PAG1: variants seen among roughly 807,000 people sequenced by gnomAD.
PAG1 encodes phosphoprotein associated with glycosphingolipid-enriched microdomains 1.
A neutral mutation model predicts 31.7 loss-of-function variants in PAG1; 23 were observed. That is an observed-to-expected ratio of 0.73 (90% CI 0.52 to 1.03). PAG1 has a LOEUF of 1.03. Ranked by LOEUF, PAG1 falls within the 50% of genes least tolerant of loss-of-function variation. The pLI, the probability that PAG1 is intolerant of heterozygous loss-of-function variation, is 0.00. For missense variants in PAG1, 473 were observed against 540.7 expected (o/e 0.87, Z 1.24); for synonymous variants, 214 against 210.3 (o/e 1.02, Z -0.15).
intron 2 of PAG1, among the ~76,000 whole-genome samples, chr8:81,064,992 A>G (rs575265303): frequency 6.6e-6 from 1 of 152,308 alleles, no homozygotes; most frequent in African/African-American, 2.4e-5. Flanking sequence ...AACAGCAGAG[A>G]TCCGAAGAGA....
chr8:80,988,715 G>A (rs1807476452), intron 5 of PAG1, among the ~76,000 whole-genome samples: 1 of 152,158 alleles, frequency 6.6e-6, no homozygotes, highest in Admixed American at 6.5e-5. Context: ...GCCTCCCAAA[G>A]TGCTGGGATT....
intron 1 of PAG1, among the ~76,000 whole-genome samples, chr8:81,101,668 C>T (rs961158126): frequency 6.6e-6 from 1 of 152,082 alleles, no homozygotes; most frequent in African/African-American, 2.4e-5. Context: ...AGGCTTTGGA[C>T]TCTTTAGTAT....
chr8:80,977,884 T>C (rs1233157891), intron 8 of PAG1, among the ~76,000 whole-genome samples: 1 of 152,232 alleles, frequency 6.6e-6, no homozygotes, highest in African/African-American at 2.4e-5. Context: ...AAAATACCCT[T>C]CATTACCTGT....
chr8:81,075,077 T>C (rs183833616), intron 1 of PAG1, among the ~76,000 whole-genome samples: 1 of 152,338 alleles, frequency 6.6e-6, no homozygotes, highest in Non-Finnish European at 1.5e-5. Flanking sequence ...ACCAGGTACC[T>C]ATCTCCACTC....
chr8:81,012,692 G>C (rs926085962), intron 3 of PAG1, among the ~76,000 whole-genome samples: 2 of 152,136 alleles, frequency 1.3e-5, no homozygotes, highest in Non-Finnish European at 2.9e-5. Context: ...GAAATAATCA[G>C]ATACCAGCTG....
At chr8:81,003,661 C>T (rs1192885189) in intron 3 of PAG1, among the ~76,000 whole-genome samples, 2 of 152,088 alleles carry the variant, frequency 1.3e-5, no homozygotes, top group Non-Finnish European at 2.9e-5. Flanking sequence ...GTTTCCCCTT[C>T]TGAAAAATGT....
chr8:81,043,289 A>T (rs958818536), intron 2 of PAG1, among the ~76,000 whole-genome samples: 6 of 152,220 alleles, frequency 3.9e-5, no homozygotes, highest in African/African-American at 1.4e-4. Context: ...CAGAACACAC[A>T]GGATATAGAG....
intron 3 of PAG1, 63 bp from the exon 4 acceptor site, chr8:80,993,370 G>C: frequency 2.4e-6 from 2 of 832,630 alleles, no homozygotes; most frequent in Non-Finnish European, 3.6e-6. Context: ...TCTGTAATTC[G>C]GTCCCTGTCA....
At chr8:81,102,477 G>C (rs1235154735) in intron 1 of PAG1, among the ~76,000 whole-genome samples, 1 of 152,032 alleles carries the variant, frequency 6.6e-6, no homozygotes, top group Non-Finnish European at 1.5e-5. Context: ...TTGAGATTTA[G>C]GGATAAGCAT....
intron 1 of PAG1, among the ~76,000 whole-genome samples, chr8:81,080,225 C>A (rs548557071): frequency 6.6e-6 from 1 of 152,150 alleles, no homozygotes; most frequent in African/African-American, 2.4e-5. Context: ...TATTCTAGTT[C>A]ATGTATGCCT....
intron 8 of PAG1, 69 bp from the exon 9 acceptor site, chr8:80,976,975 G>A: frequency 7.0e-7 from 1 of 1,434,172 alleles, no homozygotes; most frequent in Non-Finnish European, 9.5e-7. Context: ...TTAGTGACAA[G>A]CTACATACTG....
intron 2 of PAG1, among the ~76,000 whole-genome samples, chr8:81,057,641 A>T (rs1036651108): frequency 6.6e-6 from 1 of 152,164 alleles, no homozygotes; most frequent in South Asian, 2.1e-4. Flanking sequence ...GGTGCAGCAC[A>T]CCAACATGGC....
At chr8:81,023,543 T>C (rs1375099595) in intron 3 of PAG1, among the ~76,000 whole-genome samples, 2 of 151,898 alleles carry the variant, frequency 1.3e-5, no homozygotes, top group African/African-American at 2.4e-5. Flanking sequence ...TATATATATA[T>C]ATATTTGTGT....
At chr8:81,085,181 C>T (rs183722061) in intron 1 of PAG1, among the ~76,000 whole-genome samples, 197 of 152,256 alleles carry the variant, frequency 1.3e-3, no homozygotes, top group Non-Finnish European at 1.2e-3. Context: ...GCGATTCCTC[C>T]GGCTAGACTC....
chr8:81,070,654 G>T (rs1356492588), intron 1 of PAG1, among the ~76,000 whole-genome samples: 1 of 126,306 alleles, frequency 7.9e-6, no homozygotes. Context: ...AGTCTTTTCA[G>T]CACAAAAAAA....
At chr8:80,981,862 CTTTTTTTTTT>C (rs57438015) in intron 7 of PAG1, among the ~76,000 whole-genome samples, 2 of 103,426 alleles carry the variant, frequency 1.9e-5, no homozygotes, top group Non-Finnish European at 3.5e-5. Flanking sequence ...ATCTCACTTC[CTTTTTTTTTT>C]TTTTTTTTTT....
Position 80,972,545 on chromosome 8 carries a change from C to T in PAG1, c.*3999G>A, listed in dbSNP as rs1274198650. On this transcript the variant is annotated 3_prime_UTR_variant, in exon 9 of 9. Coordinates refer to ENST00000220597, the MANE Select transcript of PAG1 (RefSeq NM_018440.4). Reference sequence around the variant, plus strand: ...CTCTGCTCCTGCTACTTGGGAGTCACGTTGTCTTGGCTTCGTCCTGGCTCA... The same window carrying T: ...CTCTGCTCCTGCTACTTGGGAGTCATGTTGTCTTGGCTTCGTCCTGGCTCA... 1 of 152,168 alleles carries T rather than the reference C, an allele frequency of 6.6e-6. No homozygotes were observed. Among genetic ancestry groups the T allele is most frequent in the East Asian group, 1.9e-4 (1 of 5,190 alleles). 9.4% of individuals were successfully genotyped at this position (152,168 alleles called of 1,614,324 possible).
At chr8:81,052,980 C>T (rs963350069) in intron 2 of PAG1, among the ~76,000 whole-genome samples, 3 of 152,150 alleles carry the variant, frequency 2.0e-5, no homozygotes, top group Non-Finnish European at 4.4e-5. Context: ...CTAATCCTTT[C>T]GTATTTCAAA....
At chr8:81,044,445 C>T (rs1289075764) in intron 2 of PAG1, among the ~76,000 whole-genome samples, 1 of 152,146 alleles carries the variant, frequency 6.6e-6, no homozygotes, top group Non-Finnish European at 1.5e-5. Context: ...CTGCCACAAG[C>T]CAAGGAATGC....
Sources: allele counts gnomAD v4.1 joint callset (sites outside exome capture counted in the v4.1 genomes callset), GRCh38; gene constraint gnomAD v4.1.1; transcripts MANE v1.5; gene names NCBI Gene and HGNC (gene_info 2026-07-23, HGNC 2026-07-21).